SRCIN1: variants seen among roughly 807,000 people sequenced by gnomAD.
SRCIN1 encodes P130Cas-associated protein.
Under a neutral mutation model 116.2 loss-of-function variants are expected in SRCIN1, and 50 were observed. That is an observed-to-expected ratio of 0.43 (90% CI 0.34 to 0.54). SRCIN1 has a LOEUF of 0.54. SRCIN1 is among the 20% of genes least tolerant of loss of function. SRCIN1 has a pLI of 0.02. For missense variants in SRCIN1, 1,446 were observed against 1,672.0 expected (o/e 0.86, Z 2.36); for synonymous variants, 736 against 750.0 (o/e 0.98, Z 0.30).
intron 2 of SRCIN1, among the ~76,000 whole-genome samples, chr17:38,574,500 G>T (rs1187232363): frequency 6.6e-6 from 1 of 152,192 alleles, no homozygotes; most frequent in Non-Finnish European, 1.5e-5. Flanking sequence ...GCTCAGAAAC[G>T]GAAGGGGAGG....
chr17:38,597,393 T>C (rs555949276), intron 1 of SRCIN1, among the ~76,000 whole-genome samples: 2 of 152,360 alleles, frequency 1.3e-5, no homozygotes, highest in East Asian at 1.9e-4. Context: ...TTCTTATGTA[T>C]GCCCTTTTCT....
At chr17:38,600,723 T>C (rs1363311814) in intron 1 of SRCIN1, among the ~76,000 whole-genome samples, 1 of 152,244 alleles carries the variant, frequency 6.6e-6, no homozygotes, top group Non-Finnish European at 1.5e-5. Context: ...CGTGGGGTTC[T>C]GCACACCCCA....
intron 1 of SRCIN1, among the ~76,000 whole-genome samples, chr17:38,590,958 G>C (rs1279836169): frequency 6.6e-6 from 1 of 152,192 alleles, no homozygotes; most frequent in Non-Finnish European, 1.5e-5. Context: ...CCTCTTGGGG[G>C]GGCCTATTCC....
At position 38,532,932 on chromosome 17, in the gene SRCIN1, G is replaced by T. The variant is rs990036281; in HGVS notation, c.*365C>A. ...TTGGGAAGTGAGGGGAAGGCGGGAA[G>T]GGGGTGCAGGAGCTTCAGGATGGAC... On this transcript the variant is annotated 3_prime_UTR_variant, in exon 19 of 19. Transcript: ENST00000617146. The surrounding 1 kb of genome is among the most constrained non-coding windows in gnomAD (Gnocchi z 4.3). 5 of 168,482 alleles carry T rather than the reference G, an allele frequency of 3.0e-5. No homozygotes were observed. The highest frequency in any genetic ancestry group is 5.0e-5 in the Non-Finnish European group (4 of 79,464). The allele number at this position is 168,482 out of a possible 1,614,324, so 10.4% of individuals were successfully genotyped here.
chr17:38,561,675 C>T lies in SRCIN1; in HGVS notation c.1488G>A (p.Ser496=). The T allele has an allele frequency of 6.4e-7, 1 of 1,554,316 alleles. No individual in the cohort carries two copies. The change falls in exon 7 of 19, where the codon TCG becomes TCA. Residue 496 remains serine, a synonymous_variant. Coordinates refer to ENST00000617146, the MANE Select transcript of SRCIN1 (RefSeq NM_025248.3). ...GGPPPPHSPY[S]GPPSRGSPVR... Reference sequence around the variant, plus strand: ...CTGGCGAGCCGCGGCTGGGCGGCCCCGAGTAGGGGCTGTGCGGTGGCGGGG... The same window carrying T: ...CTGGCGAGCCGCGGCTGGGCGGCCCTGAGTAGGGGCTGTGCGGTGGCGGGG...
chr17:38,563,778 C>T lies in SRCIN1; in HGVS notation c.542-257G>A. The T allele has an allele frequency of 1.5e-6, 1 of 670,530 alleles. No individual in the cohort carries two copies. Among genetic ancestry groups the T allele is most frequent in the South Asian group, 1.6e-5 (1 of 62,116 alleles). 41.5% of individuals were successfully genotyped at this position (670,530 alleles called of 1,614,324 possible). On this transcript the variant is annotated intron_variant, in intron 4 of 18. Transcript: ENST00000617146. This position sits in a 1 kb window ranked among gnomAD's most constrained non-coding sequence, Gnocchi z 5.8. ...TTGGACAAGGAAATGGAAGTGGGGG[C>T]AGAGCAGGTGGGGCGGAAACTGAGG... is the stretch of plus-strand genomic sequence containing the variant.
intron 2 of SRCIN1, chr17:38,575,089 T>A: frequency 5.0e-6 from 2 of 398,536 alleles, no homozygotes; most frequent in East Asian, 3.6e-5. Context: ...GAGCTCATAC[T>A]GCAGAGGGGT....
chr17:38,592,166 G>A (rs912072967), intron 1 of SRCIN1, among the ~76,000 whole-genome samples: 5 of 152,220 alleles, frequency 3.3e-5, no homozygotes, highest in South Asian at 2.1e-4. Flanking sequence ...CCATGCTTGC[G>A]CAGTGGCTAA....
At position 38,585,744 on chromosome 17, in the gene SRCIN1, T is replaced by G. The variant is rs1265312409; in HGVS notation, c.23-6953A>C. 6.6e-6 allele frequency among the ~76,000 whole-genome samples: 1 copy of G among 152,266 alleles called. No individual in the cohort carries two copies. The highest frequency in any genetic ancestry group is 1.9e-4 in the East Asian group (1 of 5,176). On this transcript the variant is annotated intron_variant, in intron 1 of 18. Transcript: ENST00000617146. The surrounding 1 kb of genome is among the most constrained non-coding windows in gnomAD (Gnocchi z 4.2). The stretch of plus-strand genomic sequence containing the variant: ...CGGGCAATTGCCTTTCTGTAAACAT[T>G]CCTGTGTAATATCCCCCCAAATTGC...
At position 38,562,945 on chromosome 17, in the gene SRCIN1, T is replaced by TCAC; in HGVS notation, c.741-28_741-26dup. On this transcript the variant is annotated intron_variant, in intron 5 of 18. Coordinates refer to ENST00000617146, the MANE Select transcript of SRCIN1 (RefSeq NM_025248.3). This position sits in a 1 kb window ranked among gnomAD's most constrained non-coding sequence, Gnocchi z 4.2. ...CCTGGGAGAGGCGGGGAGACGGGGGTCACCACCCATCCCCCAGCTGTGCAC... is the reference window on the plus strand; with the variant it reads ...CCTGGGAGAGGCGGGGAGACGGGGGTCACCACCACCCATCCCCCAGCTGTGCAC... 1 of 1,554,816 alleles carries TCAC rather than the reference T, an allele frequency of 6.4e-7. No homozygotes were observed. The highest frequency in any genetic ancestry group is 8.8e-7 in the Non-Finnish European group (1 of 1,133,734).
rs1204460326 is a variant in SRCIN1 at position 38,572,410 on chromosome 17, G to A, written c.325-4179C>T. ...GACGCTGGGGAAGAGGGCGCACCCCGGGAAGGTCATGACTTTCCGACGCTG... is the reference window on the plus strand; with the variant it reads ...GACGCTGGGGAAGAGGGCGCACCCCAGGAAGGTCATGACTTTCCGACGCTG... On this transcript the variant is annotated intron_variant, in intron 2 of 18. Coordinates refer to ENST00000617146, the MANE Select transcript of SRCIN1 (RefSeq NM_025248.3). The surrounding 1 kb of genome is among the most constrained non-coding windows in gnomAD (Gnocchi z 4.3). Among the ~76,000 whole-genome samples, 1 of 152,192 alleles carries A rather than the reference G, an allele frequency of 6.6e-6. No individual in the cohort carries two copies. The highest frequency in any genetic ancestry group is 1.5e-5 in the Non-Finnish European group (1 of 68,026).
chr17:38,534,320 C>T (rs897239060), intron 18 of SRCIN1, among the ~76,000 whole-genome samples: 1 of 152,200 alleles, frequency 6.6e-6, no homozygotes, highest in Non-Finnish European at 1.5e-5. Flanking sequence ...TTCCTGGGCT[C>T]CCCTCCAGAA....
At chr17:38,600,732 CA>C (rs1241491246) in intron 1 of SRCIN1, among the ~76,000 whole-genome samples, 1 of 152,250 alleles carries the variant, frequency 6.6e-6, no homozygotes, top group African/African-American at 2.4e-5. Flanking sequence ...CTGCACACCC[CA>C]TCCTAGCTAG....
intron 2 of SRCIN1, 31 bp downstream of exon 2, chr17:38,578,459 C>CAGCCGGAGCCGG (rs57343488): frequency 6.5e-7 from 1 of 1,540,316 alleles, no homozygotes; most frequent in South Asian, 1.2e-5. Context: ...GCCGCGGCCG[C>CAGCCGGAGCCGG]AGCCGCAGCC....
At position 38,582,153 on chromosome 17, in the gene SRCIN1, C is replaced by G. The variant is rs145561449; in HGVS notation, c.23-3362G>C. The stretch of plus-strand genomic sequence containing the variant: ...GGCTCAGGACAACATTGGGACAGGT[C>G]TCCAATTATCATCTCCCAGCTGCTT... On this transcript the variant is annotated intron_variant, in intron 1 of 18. Coordinates refer to ENST00000617146, the MANE Select transcript of SRCIN1 (RefSeq NM_025248.3). 3.8e-3 allele frequency among the ~76,000 whole-genome samples: 584 copies of G among 152,276 alleles called. 3 individuals carry two copies. Among genetic ancestry groups the G allele is most frequent in the African/African-American group, 0.014 (568 of 41,522 alleles).
At chr17:38,533,607 G>A (rs1185781367) in intron 18 of SRCIN1, among the ~76,000 whole-genome samples, 176 bp from the exon 19 acceptor site, 9 of 138,938 alleles carry the variant, frequency 6.5e-5, no homozygotes, top group Non-Finnish European at 1.1e-4. Context: ...GAGGGGTGGG[G>A]GCAGAAAAGG....
At position 38,533,517 on chromosome 17, in the gene SRCIN1, A is replaced by G. The variant is rs2040954819; in HGVS notation, c.3418-86T>C. 6.3e-6 allele frequency: 7 copies of G among 1,112,284 alleles called. No homozygotes were observed. In the Admixed American group the frequency reaches 1.9e-4, roughly 31 times the overall value. 68.9% of individuals were successfully genotyped at this position (1,112,284 alleles called of 1,614,324 possible). On this transcript the variant is annotated intron_variant, in intron 18 of 18. Coordinates refer to ENST00000617146, the MANE Select transcript of SRCIN1 (RefSeq NM_025248.3). ...CCAGCTGAAGTTTTAAAAGTGGAAA[A>G]CCTCCACAAATCCAAGGAAATTAAC...
At chr17:38,599,226 GA>G (rs926684653) in intron 1 of SRCIN1, among the ~76,000 whole-genome samples, 1 of 152,156 alleles carries the variant, frequency 6.6e-6, no homozygotes, top group Admixed American at 6.5e-5. Context: ...CTGAAGACCA[GA>G]GGGGGCAACT....
chr17:38,556,790 G>T (rs1488873272), intron 11 of SRCIN1, among the ~76,000 whole-genome samples: 2 of 152,252 alleles, frequency 1.3e-5, no homozygotes, highest in African/African-American at 4.8e-5. Flanking sequence ...TGTTCCTGGA[G>T]AACCAAGGCC....
Sources: gnomAD v4.1 joint callset for allele counts (sites outside exome capture counted in the v4.1 genomes callset) on GRCh38, gnomAD v4.1.1 for gene constraint, Gnocchi (gnomAD v3.1) non-coding constraint, MANE v1.5 for transcripts, NCBI Gene and HGNC (gene_info 2026-07-23, HGNC 2026-07-21) for gene names.